Variants in MAML2 observed in about 807,000 individuals in gnomAD.
The protein encoded by MAML2 is mastermind-like protein 2.
Under a neutral mutation model 96.1 loss-of-function variants are expected in MAML2, and 22 were observed. That is an observed-to-expected ratio of 0.23 (90% CI 0.16 to 0.33). The LOEUF is 0.33. MAML2 is among the 10% of genes least tolerant of loss of function. MAML2 has a pLI of 1.00. For missense variants in MAML2, 1,367 were observed against 1,392.4 expected, an observed-to-expected ratio of 0.98 and a Z score of 0.29; for synonymous variants, 561 against 521.3, an observed-to-expected ratio of 1.08 and a Z score of -1.04.
intron 1 of MAML2, among the ~76,000 whole-genome samples, chr11:96,248,752 A>G (rs1472653791): frequency 1.8e-4 from 28 of 151,682 alleles, no homozygotes; most frequent in Admixed American, 1.8e-3. Flanking sequence ...TTATACTAGA[A>G]CTCCTTAAAA....
chr11:96,164,510 T>C (rs561779069), intron 1 of MAML2, among the ~76,000 whole-genome samples: 118 of 152,304 alleles, frequency 7.7e-4, no homozygotes, highest in African/African-American at 2.8e-3. Context: ...CCAATAATAC[T>C]GTTGCTATTT....
intron 2 of MAML2, among the ~76,000 whole-genome samples, chr11:95,999,030 A>G (rs1858041079): frequency 1.3e-5 from 2 of 152,152 alleles, no homozygotes; most frequent in Non-Finnish European, 2.9e-5. Context: ...CTCTGTGTTA[A>G]TTGTGTTTCT....
chr11:96,073,547 C>A (rs1253150387), intron 2 of MAML2, among the ~76,000 whole-genome samples: 1 of 152,118 alleles, frequency 6.6e-6, no homozygotes, highest in East Asian at 1.9e-4. Flanking sequence ...GTCTCGATCT[C>A]TTGACCTCAT....
At chr11:96,321,423 T>C (rs1863697779) in intron 1 of MAML2, among the ~76,000 whole-genome samples, 1 of 152,246 alleles carries the variant, frequency 6.6e-6, no homozygotes, top group Admixed American at 6.5e-5. Flanking sequence ...TTACTATGTG[T>C]TTTGTTACAC....
rs369018112 is a variant in MAML2, at chr11:95,991,007, A to G, written c.2343+513T>C. 6.6e-5 allele frequency among the ~76,000 whole-genome samples: 10 copies of G among 151,084 alleles called. No individual in the cohort carries two copies. In the East Asian group the frequency reaches 1.4e-3, roughly 21 times the overall value. On this transcript the variant is annotated intron_variant, in intron 3 of 4. Transcript: ENST00000524717. ...CAAAAATCGCAATCACTTTTGCATC[A>G]ACCTAATATATACAGTGCAAATGGG... is the stretch of plus-strand genomic sequence containing the variant.
chr11:96,341,929 G>A lies in MAML2; in HGVS notation c.-34C>T. 6.8e-7 allele frequency: 1 copy of A among 1,480,164 alleles called. No individual in the cohort carries two copies. Among genetic ancestry groups the A allele is most frequent in the Non-Finnish European group, 8.9e-7 (1 of 1,121,200 alleles). 91.7% of individuals were successfully genotyped at this position (1,480,164 alleles called of 1,614,324 possible). ...ACACAATGATTGCTGCCTCTGGGAT[G>A]GTGAGGTGGAAAGAGGCTACTGCTG... On this transcript the variant is annotated 5_prime_UTR_variant, in exon 1 of 5. Transcript: ENST00000524717.
At chr11:96,042,793 G>A (rs1459704555) in intron 2 of MAML2, among the ~76,000 whole-genome samples, 1 of 138,266 alleles carries the variant, frequency 7.2e-6, no homozygotes, top group Admixed American at 8.1e-5. Context: ...CACCCAGGCT[G>A]GAGTGCAGTG....
intron 1 of MAML2, among the ~76,000 whole-genome samples, chr11:96,223,703 C>T (rs756942459): frequency 4.6e-5 from 7 of 151,820 alleles, no homozygotes; most frequent in South Asian, 2.1e-4. Flanking sequence ...GTATTTTTTT[C>T]GGATCCTCTC....
At chr11:96,088,162 G>A (rs556107989) in intron 2 of MAML2, among the ~76,000 whole-genome samples, 1 of 152,232 alleles carries the variant, frequency 6.6e-6, no homozygotes, top group South Asian at 2.1e-4. Flanking sequence ...GAGAGAGTAG[G>A]GTGAGGTTAT....
intron 1 of MAML2, among the ~76,000 whole-genome samples, chr11:96,096,649 C>T (rs1488898231): frequency 1.3e-5 from 2 of 152,162 alleles, no homozygotes; most frequent in African/African-American, 4.8e-5. Context: ...CCAGGGATCT[C>T]GTCCCGATTC....
intron 2 of MAML2, among the ~76,000 whole-genome samples, chr11:96,032,741 A>T (rs1223258049): frequency 6.6e-6 from 1 of 152,188 alleles, no homozygotes; most frequent in Non-Finnish European, 1.5e-5. Flanking sequence ...GATATATTTA[A>T]ATCACAAGGT....
chr11:96,194,324 T>C (rs1178552521), intron 1 of MAML2, among the ~76,000 whole-genome samples: 1 of 152,164 alleles, frequency 6.6e-6, no homozygotes, highest in Non-Finnish European at 1.5e-5. Flanking sequence ...TGTGTATACA[T>C]AGTTGAAGCT....
At position 96,092,034 on chromosome 11, in the gene MAML2, G is replaced by GGTT; in HGVS notation, c.1994_1996dup (p.Gln665dup). ...TAGAGATTGGGCAGGCTGAGAAGAT[G>GGTT]GTTGTTGCTGCTGCTGCTGCTGCTG... On this transcript the variant is annotated inframe_insertion, in exon 2 of 5. Transcript: ENST00000524717. The surrounding 1 kb of genome is among the most constrained non-coding windows in gnomAD (Gnocchi z 4.1). 5 of 1,558,610 alleles carry GGTT rather than the reference G, an allele frequency of 3.2e-6. No homozygotes were observed. The highest frequency in any genetic ancestry group is 4.3e-6 in the Non-Finnish European group (5 of 1,151,556).
At chr11:96,284,246 T>A (rs1323412142) in intron 1 of MAML2, among the ~76,000 whole-genome samples, 1 of 152,226 alleles carries the variant, frequency 6.6e-6, no homozygotes, top group South Asian at 2.1e-4. Context: ...CAAAGACATA[T>A]GTGTAATTTC....
rs1272406528 is a variant in MAML2, at chr11:96,342,591, T to C, written c.-696A>G. On this transcript the variant is annotated 5_prime_UTR_variant, in exon 1 of 5. Coordinates refer to ENST00000524717, the MANE Select transcript of MAML2 (RefSeq NM_032427.4). Reference sequence around the variant, plus strand: ...TTTCGCTCCGGTGTTTTCTCCTCTTTGGGGTACTGTAGGATGTTGTCTTCT... The same window carrying C: ...TTTCGCTCCGGTGTTTTCTCCTCTTCGGGGTACTGTAGGATGTTGTCTTCT... 2.5e-6 allele frequency: 1 copy of C among 394,624 alleles called. No individual in the cohort carries two copies. Among genetic ancestry groups the C allele is most frequent in the Non-Finnish European group, 4.5e-6 (1 of 224,156 alleles). 24.4% of individuals were successfully genotyped at this position (394,624 alleles called of 1,614,324 possible). A position where few individuals can be genotyped will look rare whatever the true frequency, so the allele number is the denominator to read the frequency against.
At chr11:96,181,079 T>C (rs1861477316) in intron 1 of MAML2, among the ~76,000 whole-genome samples, 1 of 152,096 alleles carries the variant, frequency 6.6e-6, no homozygotes, top group Non-Finnish European at 1.5e-5. Flanking sequence ...TACACTTCTT[T>C]TGTGGTGTAA....
chr11:96,201,320 T>C (rs994326327), intron 1 of MAML2, among the ~76,000 whole-genome samples: 4 of 152,148 alleles, frequency 2.6e-5, no homozygotes, highest in African/African-American at 9.7e-5. Flanking sequence ...GAGAAGGATG[T>C]TTAATTGCCT....
At chr11:96,111,287 T>C (rs1760002830) in intron 1 of MAML2, among the ~76,000 whole-genome samples, 1 of 152,234 alleles carries the variant, frequency 6.6e-6, no homozygotes, top group African/African-American at 2.4e-5. Flanking sequence ...CTCCTTTTTA[T>C]TATTTTTGGC....
intron 2 of MAML2, among the ~76,000 whole-genome samples, chr11:96,081,981 A>C (rs1392018247): frequency 2.0e-5 from 3 of 152,242 alleles, no homozygotes; most frequent in Non-Finnish European, 4.4e-5. Context: ...AAGATTATAC[A>C]GCCTACATAT....
Sources: allele counts gnomAD v4.1 joint callset (sites outside exome capture counted in the v4.1 genomes callset), GRCh38; gene constraint gnomAD v4.1.1; non-coding constraint Gnocchi (gnomAD v3.1); transcripts MANE v1.5; gene names NCBI Gene and HGNC (gene_info 2026-07-23, HGNC 2026-07-21).